The following PCDH19 variants were observed in gnomAD, a reference collection of about 807,000 sequenced individuals.
The protein encoded by PCDH19 is protocadherin 19.
PCDH19 carries 6 observed loss-of-function variants against 46.2 expected under a neutral mutation model. The observed-to-expected ratio is 0.13, with a 90% CI of 0.07 to 0.26. The LOEUF (loss-of-function observed/expected upper bound fraction) is 0.26, where lower values mean the gene tolerates loss of function less well. Ranked by LOEUF, PCDH19 falls within the 10% of genes least tolerant of loss-of-function variation. The pLI is 1.00. For missense variants in PCDH19, 740 were observed against 972.3 expected (o/e 0.76, Z 3.18); for synonymous variants, 481 against 415.7 (o/e 1.16, Z -1.91).
chrX:100,394,190 G>A (rs5920824), intron 3 of PCDH19, among the ~76,000 whole-genome samples: 38,180 of 110,527 alleles, frequency 0.35, 5,781 homozygotes, highest in East Asian at 0.9. Context: ...AAAAGAAGCC[G>A]CGGTGCTAGT....
chrX:100,359,850 A>G (rs1926832352), intron 3 of PCDH19, among the ~76,000 whole-genome samples: 1 of 109,565 alleles, frequency 9.1e-6, no homozygotes, highest in South Asian at 4.1e-4. Flanking sequence ...CCCACAAGCA[A>G]TGGGATCCAG....
chrX:100,398,784 C>G (rs926937678), intron 3 of PCDH19, among the ~76,000 whole-genome samples: 9 of 112,095 alleles, frequency 8.0e-5, no homozygotes, highest in Non-Finnish European at 1.5e-4. Flanking sequence ...GTGAGTACAG[C>G]TAGCACGCAA....
intron 3 of PCDH19, among the ~76,000 whole-genome samples, chrX:100,365,977 G>A (rs1927062363): frequency 8.9e-6 from 1 of 111,963 alleles, no homozygotes; most frequent in Admixed American, 9.5e-5. Flanking sequence ...TGTAAATTAT[G>A]TTTGTAGATC....
At chrX:100,398,429 G>T (rs762562788) in intron 3 of PCDH19, among the ~76,000 whole-genome samples, 6 of 112,285 alleles carry the variant, frequency 5.3e-5, no homozygotes, top group Admixed American at 9.4e-5. Flanking sequence ...GCTAGGTTTG[G>T]ACACTGATAC....
chrX:100,343,960 G>T (rs1191184109), intron 4 of PCDH19, among the ~76,000 whole-genome samples: 2 of 111,538 alleles, frequency 1.8e-5, no homozygotes, highest in Non-Finnish European at 3.8e-5. Flanking sequence ...TGGATACATT[G>T]TCACCCTCCA....
chrX:100,346,121 C>A (rs756298188), intron 4 of PCDH19, among the ~76,000 whole-genome samples: 4 of 111,631 alleles, frequency 3.6e-5, no homozygotes, highest in Non-Finnish European at 7.5e-5. Flanking sequence ...GCTCTGGTGG[C>A]CAACAAAAAG....
intron 3 of PCDH19, among the ~76,000 whole-genome samples, chrX:100,383,741 T>G (rs2147518610): frequency 8.9e-6 from 1 of 112,284 alleles, no homozygotes; most frequent in Admixed American, 9.4e-5. Flanking sequence ...CCAAAGTTCA[T>G]CTGAAACAAT....
chrX:100,365,536 C>T (rs1602610327), intron 3 of PCDH19, among the ~76,000 whole-genome samples: 1 of 111,908 alleles, frequency 8.9e-6, no homozygotes, highest in Middle Eastern at 4.6e-3. Context: ...TGCAAAGGTT[C>T]TCGAAATCAT....
Position 100,363,615 on chromosome X carries a change from T to TTATATATA in PCDH19, c.2617-12919_2617-12912dup, listed in dbSNP as rs60968315. 5.4e-3 allele frequency among the ~76,000 whole-genome samples: 481 copies of TTATATATA among 89,547 alleles called. 3 individuals are homozygous for TTATATATA. The highest frequency in any genetic ancestry group is 0.019 in the African/African-American group (460 of 23,895). 77.8% of individuals were successfully genotyped at this position (89,547 alleles called of 115,157 possible). On this transcript the variant is annotated intron_variant, in intron 3 of 5. Coordinates refer to ENST00000373034, the MANE Select transcript of PCDH19 (RefSeq NM_001184880.2). ...AGTTGTGTTTTTGGCATGGGAAGTTTTATATATATATATATATATATATAT... is the reference window on the plus strand; with the variant it reads ...AGTTGTGTTTTTGGCATGGGAAGTTTTATATATATATATATATATATATATATATATAT...
chrX:100,325,752 T>C (rs1034083945), intron 5 of PCDH19, among the ~76,000 whole-genome samples: 1 of 112,724 alleles, frequency 8.9e-6, no homozygotes, highest in East Asian at 2.8e-4. Context: ...TCCAGTTACA[T>C]TGTTCATGGA....
At chrX:100,308,010 C>T (rs1249147368) in intron 5 of PCDH19, among the ~76,000 whole-genome samples, 2 of 110,744 alleles carry the variant, frequency 1.8e-5, no homozygotes, top group Non-Finnish European at 3.8e-5. Flanking sequence ...ATCAAAACAC[C>T]ACCATTATTC....
intron 5 of PCDH19, among the ~76,000 whole-genome samples, chrX:100,333,903 C>T (rs1925998720): frequency 9.3e-6 from 1 of 107,751 alleles, no homozygotes; most frequent in Non-Finnish European, 1.9e-5. Flanking sequence ...GATTCTTGTG[C>T]TTCAGCCTCC....
intron 3 of PCDH19, among the ~76,000 whole-genome samples, chrX:100,389,382 G>A (rs1927802899): frequency 1.1e-5 from 1 of 93,794 alleles, no homozygotes; most frequent in African/African-American, 4.3e-5. Flanking sequence ...TGGTTGCCAG[G>A]GGTTGTGGGT....
At chrX:100,365,953 A>G (rs1404099438) in intron 3 of PCDH19, among the ~76,000 whole-genome samples, 2 of 111,990 alleles carry the variant, frequency 1.8e-5, no homozygotes, top group African/African-American at 6.5e-5. Flanking sequence ...TGGGAGGAAA[A>G]AAGTGAAAAT....
chrX:100,363,867 G>GTC (rs1926989524), intron 3 of PCDH19, among the ~76,000 whole-genome samples: 2 of 91,146 alleles, frequency 2.2e-5, no homozygotes, highest in Non-Finnish European at 4.4e-5. Flanking sequence ...GTGTGTGTGT[G>GTC]TGTGTGTGTG....
In PCDH19 at chrX:100,406,630, A is replaced by T. The variant is rs776150934; in HGVS notation, c.1968T>A (p.Ala656=). Residue 656 remains alanine, a synonymous_variant, in exon 1 of 6, where the codon GCT becomes GCA. Coordinates refer to ENST00000373034, the MANE Select transcript of PCDH19 (RefSeq NM_001184880.2). ...DHGKTSLSAS[A]LVLIYLSPAL... is the part of the protein sequence containing the mutation. ...CAGGGGACAAGTAGATTAGGACGAGAGCAGAGGCAGAGAGAGATGTCTTGC... is the reference window on the plus strand; with the variant it reads ...CAGGGGACAAGTAGATTAGGACGAGTGCAGAGGCAGAGAGAGATGTCTTGC... 8.2e-5 allele frequency: 99 copies of T among 1,209,785 alleles called. No homozygotes were observed. In the Admixed American group the frequency reaches 9.6e-4, roughly 12 times the overall value.
At chrX:100,321,414 C>A (rs970439841) in intron 5 of PCDH19, among the ~76,000 whole-genome samples, 1 of 111,959 alleles carries the variant, frequency 8.9e-6, no homozygotes, top group Admixed American at 9.4e-5. Context: ...CTGTTCACCG[C>A]ATCCATGCTA....
chrX:100,323,393 T>C (rs1242967152), intron 5 of PCDH19, among the ~76,000 whole-genome samples: 1 of 111,834 alleles, frequency 8.9e-6, no homozygotes, highest in Non-Finnish European at 1.9e-5. Context: ...TTCCTGTCAG[T>C]CCAATAGCCT....
intron 5 of PCDH19, among the ~76,000 whole-genome samples, chrX:100,302,229 G>C (rs1255418194): frequency 8.9e-6 from 1 of 111,764 alleles, no homozygotes; most frequent in Admixed American, 9.5e-5. Context: ...TTAATAAGAA[G>C]AAAAATAAAT....
Sources: allele counts gnomAD v4.1 joint callset (sites outside exome capture counted in the v4.1 genomes callset), GRCh38; gene constraint gnomAD v4.1.1; transcripts MANE v1.5; gene names NCBI Gene and HGNC (gene_info 2026-07-23, HGNC 2026-07-21).